Variants in ZDHHC2 observed in about 807,000 individuals in gnomAD.
ZDHHC2 encodes palmitoyltransferase ZDHHC2.
Under a neutral mutation model 55.6 loss-of-function variants are expected in ZDHHC2, and 51 were observed. The ratio of observed to expected loss-of-function variants is 0.92; its 90% CI spans 0.73 to 1.16. The LOEUF is 1.16. Among genes scored for constraint, ZDHHC2 ranks in the 50% most tolerant of loss-of-function variants. The pLI is 0.00. For missense variants in ZDHHC2, 491 were observed against 442.4 expected (o/e 1.11, Z -0.99); for synonymous variants, 199 against 152.9 (o/e 1.30, Z -2.22).
chr8:17,214,113 A>G (rs17502404), intron 10 of ZDHHC2, among the ~76,000 whole-genome samples: 14,757 of 152,124 alleles, frequency 0.097, 813 homozygotes, highest in South Asian at 0.19. Context: ...GAATACTGTT[A>G]CAATTACTAT....
At chr8:17,207,495 T>TCA (rs1291448993) in intron 7 of ZDHHC2, among the ~76,000 whole-genome samples, 1 of 152,214 alleles carries the variant, frequency 6.6e-6, no homozygotes, top group Non-Finnish European at 1.5e-5. Context: ...TGCTGTTGTT[T>TCA]GTAGTAACAT....
At chr8:17,169,868 G>T (rs990179464) in intron 1 of ZDHHC2, among the ~76,000 whole-genome samples, 1 of 151,906 alleles carries the variant, frequency 6.6e-6, no homozygotes, top group African/African-American at 2.4e-5. Context: ...TTTTTTTTTA[G>T]AACTTCTCAC....
At chr8:17,204,135 C>T (rs914816164) in intron 6 of ZDHHC2, among the ~76,000 whole-genome samples, 2 of 152,138 alleles carry the variant, frequency 1.3e-5, no homozygotes, top group Non-Finnish European at 2.9e-5. Flanking sequence ...AATTATTTGC[C>T]CATATGTAAG....
At chr8:17,158,211 A>G (rs1439618409) in intron 1 of ZDHHC2, among the ~76,000 whole-genome samples, 1 of 152,204 alleles carries the variant, frequency 6.6e-6, no homozygotes, top group Non-Finnish European at 1.5e-5. Flanking sequence ...AAGGACGTGT[A>G]GTAAATTTTG....
At chr8:17,166,811 G>T (rs1804623216) in intron 1 of ZDHHC2, among the ~76,000 whole-genome samples, 2 of 152,104 alleles carry the variant, frequency 1.3e-5, no homozygotes, top group Admixed American at 6.6e-5. Flanking sequence ...AAGTCTGGGA[G>T]GACTGAGAAT....
chr8:17,180,973 C>A (rs1272767543), intron 1 of ZDHHC2, among the ~76,000 whole-genome samples: 1 of 152,152 alleles, frequency 6.6e-6, no homozygotes, highest in Non-Finnish European at 1.5e-5. Flanking sequence ...CAGCTTTTTC[C>A]TTTTTAAAGG....
At chr8:17,193,747 T>C (rs1175540348) in intron 3 of ZDHHC2, among the ~76,000 whole-genome samples, 1 of 152,038 alleles carries the variant, frequency 6.6e-6, no homozygotes, top group Non-Finnish European at 1.5e-5. Context: ...TTTTTAAATG[T>C]AATAGTCCAT....
chr8:17,175,248 G>C (rs1805071518), intron 1 of ZDHHC2, among the ~76,000 whole-genome samples: 1 of 152,106 alleles, frequency 6.6e-6, no homozygotes, highest in Non-Finnish European at 1.5e-5. Context: ...TGCAGGTGTG[G>C]GTGGGGTTGA....
chr8:17,214,090 G>T (rs1034787647), intron 10 of ZDHHC2, among the ~76,000 whole-genome samples: 1 of 151,982 alleles, frequency 6.6e-6, no homozygotes, highest in African/African-American at 2.4e-5. Flanking sequence ...GTTTTAAGTC[G>T]TTTTTTTCTT....
Position 17,184,820 on chromosome 8 carries a change from G to C in ZDHHC2, c.157+5G>C, listed in dbSNP as rs774476001. 1 of 1,546,698 alleles carries C rather than the reference G, an allele frequency of 6.5e-7. No homozygotes were observed. The highest frequency in any genetic ancestry group is 8.7e-7 in the Non-Finnish European group (1 of 1,144,788). Reference sequence around the variant, plus strand: ...TGGAAAACACTGGCGAACAAGGTAAGCTAGATTATATTAATGTTATAGATT... The same window carrying C: ...TGGAAAACACTGGCGAACAAGGTAACCTAGATTATATTAATGTTATAGATT... On this transcript the variant is annotated splice_donor_5th_base_variant and intron_variant, in intron 2 of 12. Transcript: ENST00000262096.
At chr8:17,204,178 C>G (rs575579696) in intron 6 of ZDHHC2, among the ~76,000 whole-genome samples, 1 of 152,208 alleles carries the variant, frequency 6.6e-6, no homozygotes, top group Non-Finnish European at 1.5e-5. Flanking sequence ...AAATCTAATG[C>G]TATTCCCTTT....
chr8:17,204,437 C>T (rs755910111), intron 6 of ZDHHC2, among the ~76,000 whole-genome samples: 1 of 152,188 alleles, frequency 6.6e-6, no homozygotes, highest in African/African-American at 2.4e-5. Context: ...TTCGTTATAC[C>T]GGTTAACCAA....
intron 1 of ZDHHC2, 138 bp downstream of exon 1, chr8:17,156,991 G>C: frequency 1.3e-6 from 1 of 771,492 alleles, no homozygotes. Flanking sequence ...CGCCGGCTCC[G>C]CCGCTAAAAG....
chr8:17,161,014 T>C (rs1754652916), intron 1 of ZDHHC2, among the ~76,000 whole-genome samples: 1 of 152,214 alleles, frequency 6.6e-6, no homozygotes, highest in African/African-American at 2.4e-5. Flanking sequence ...TTGCAGCCTG[T>C]TATATTCCAC....
intron 2 of ZDHHC2, among the ~76,000 whole-genome samples, chr8:17,185,603 G>A (rs1435879469): frequency 6.6e-6 from 1 of 152,104 alleles, no homozygotes; most frequent in Non-Finnish European, 1.5e-5. Context: ...CCCAGGGGGC[G>A]GAGGTGGCAG....
At position 17,178,393 on chromosome 8, in the gene ZDHHC2, A is replaced by G. The variant is rs146462475; in HGVS notation, c.131-6396A>G. 5.3e-5 allele frequency among the ~76,000 whole-genome samples: 8 copies of G among 152,258 alleles called. No individual in the cohort carries two copies. In the East Asian group the frequency reaches 1.2e-3, roughly 22 times the overall value. ...TAGACTATATTAATATATAGTATCT[A>G]TATATACACATACACACACATCCTA... On this transcript the variant is annotated intron_variant, in intron 1 of 12. Coordinates refer to ENST00000262096, the MANE Select transcript of ZDHHC2 (RefSeq NM_016353.5).
At chr8:17,194,949 A>G (rs1487330726) in intron 3 of ZDHHC2, among the ~76,000 whole-genome samples, 8 of 152,110 alleles carry the variant, frequency 5.3e-5, no homozygotes, top group Admixed American at 5.2e-4. Flanking sequence ...AGAAGCCCAA[A>G]TTTTCTTTTT....
rs1804557461 is a variant in ZDHHC2 at position 17,165,475 on chromosome 8, A to T, written c.130+8622A>T. Among the ~76,000 whole-genome samples, 4 of 152,324 alleles carry T rather than the reference A, an allele frequency of 2.6e-5. No individual in the cohort carries two copies. In the South Asian group the frequency reaches 8.3e-4, roughly 32 times the overall value. The stretch of plus-strand genomic sequence containing the variant: ...GCTGAAAATTAAGATATACCAAACA[A>T]AGAACTGTATGTCATTCAAAGGAGG... On this transcript the variant is annotated intron_variant, in intron 1 of 12. Coordinates refer to ENST00000262096, the MANE Select transcript of ZDHHC2 (RefSeq NM_016353.5).
chr8:17,181,332 G>T (rs1427580180), intron 1 of ZDHHC2, among the ~76,000 whole-genome samples: 1 of 152,162 alleles, frequency 6.6e-6, no homozygotes, highest in African/African-American at 2.4e-5. Flanking sequence ...ATCCAGCAGA[G>T]CTGGAAGTTG....
Sources: allele counts gnomAD v4.1 joint callset (sites outside exome capture counted in the v4.1 genomes callset), GRCh38; gene constraint gnomAD v4.1.1; transcripts MANE v1.5; gene names NCBI Gene and HGNC (gene_info 2026-07-23, HGNC 2026-07-21).